HEMK1: variants seen among roughly 807,000 people sequenced by gnomAD.
HEMK1 encodes MTRF1L release factor glutamine methyltransferase.
In HEMK1, 36 loss-of-function variants were observed where a neutral mutation model predicts 47.9. That is an observed-to-expected ratio of 0.75 (90% CI 0.58 to 0.99). The LOEUF is 0.99. Among genes scored for constraint, HEMK1 ranks in the 50% least tolerant of loss-of-function variants. HEMK1 has a pLI of 0.00. For synonymous variants in HEMK1, 153 were observed against 165.4 expected, an observed-to-expected ratio of 0.93 and a Z score of 0.57; for missense variants, 383 against 434.5, an observed-to-expected ratio of 0.88 and a Z score of 1.05.
At position 50,571,317 on chromosome 3, in the gene HEMK1, C is replaced by G; in HGVS notation, c.213C>G (p.Val71=). ...RESSEYIVAH[V]LGAKTFQSLR... is the part of the protein sequence containing the mutation. ...CCAGTGAGTACATCGTGGCTCATGT[C>G]CTTGGAGCCAAAACAGTTAAGTTTA... Residue 71 remains valine (V), a synonymous_variant, in exon 2 of 11, where the codon GTC becomes GTG. Coordinates refer to ENST00000232854, the MANE Select transcript of HEMK1 (RefSeq NM_016173.5). 6.3e-7 allele frequency: 1 copy of G among 1,594,220 alleles called. No homozygotes were observed. Among genetic ancestry groups the G allele is most frequent in the Non-Finnish European group, 8.6e-7 (1 of 1,169,520 alleles).
chr3:50,580,844 TGGCC>T lies in HEMK1; in HGVS notation c.*428_*431del. 4.3e-6 allele frequency: 1 copy of T among 231,890 alleles called. No individual in the cohort carries two copies. Among genetic ancestry groups the T allele is most frequent in the Non-Finnish European group, 8.6e-6 (1 of 116,820 alleles). 14.4% of individuals were successfully genotyped at this position (231,890 alleles called of 1,614,324 possible). ...AGGAAGGCACGTGAGTCCTCACTCCTGGCCTTGGATACCATGGGTCCTGGCATAG... is the reference window on the plus strand; with the variant it reads ...AGGAAGGCACGTGAGTCCTCACTCCTTTGGATACCATGGGTCCTGGCATAG... On this transcript the variant is annotated 3_prime_UTR_variant, in exon 11 of 11. Coordinates refer to ENST00000232854, the MANE Select transcript of HEMK1 (RefSeq NM_016173.5).
intron 4 of HEMK1, among the ~76,000 whole-genome samples, chr3:50,576,590 A>G (rs1701617005): frequency 6.6e-6 from 1 of 152,122 alleles, no homozygotes; most frequent in Non-Finnish European, 1.5e-5. Context: ...TCACACCTTT[A>G]GCAGAGACGG....
rs368856947 is a variant in HEMK1, at chr3:50,577,199, A to G, written c.549+13A>G. The stretch of plus-strand genomic sequence containing the variant: ...CCAGCTCCCCCAGGTGAGCCCCTCC[A>G]CCCACTCTGGATAGACTGTGACTGA... On this transcript the variant is annotated intron_variant, in intron 5 of 10. Transcript: ENST00000232854. 33 of 1,606,126 alleles carry G rather than the reference A, an allele frequency of 2.1e-5. No homozygotes were observed. In the African/African-American group the frequency reaches 3.8e-4, roughly 18 times the overall value.
chr3:50,585,900 GGTTA>G lies in HEMK1; in HGVS notation c.*5488_*5491del, dbSNP rs1342807538. 4 of 152,178 alleles carry G rather than the reference GGTTA, an allele frequency of 2.6e-5. No individual in the cohort carries two copies. Among genetic ancestry groups the G allele is most frequent in the Non-Finnish European group, 5.9e-5 (4 of 68,030 alleles). The allele number at this position is 152,178 out of a possible 1,614,324, so 9.4% of individuals were successfully genotyped here. Reference sequence around the variant, plus strand: ...TCTCCTATTGCTTCCAAAGGCCTGGGGTTAGTTAATTAAGTCAATTAGGTGGTGC... The same window carrying G: ...TCTCCTATTGCTTCCAAAGGCCTGGGGTTAATTAAGTCAATTAGGTGGTGC... On this transcript the variant is annotated 3_prime_UTR_variant, in exon 11 of 11. Transcript: ENST00000232854.
At chr3:50,576,904 T>C in intron 4 of HEMK1, 148 bp from the exon 5 acceptor site, 1 of 918,140 alleles carries the variant, frequency 1.1e-6, no homozygotes, top group South Asian at 1.6e-5. Context: ...CAGGGTGACT[T>C]GGCCATGCCC....
chr3:50,580,097 C>G lies in HEMK1; in HGVS notation c.867-19C>G. The stretch of plus-strand genomic sequence containing the variant: ...GCCAGACCTGTCCTGCTGAGCCCAC[C>G]CATTTCTCCCCCATGTAGTAGTATC... On this transcript the variant is annotated intron_variant, in intron 9 of 10. Transcript: ENST00000232854. 6.2e-7 allele frequency: 1 copy of G among 1,603,198 alleles called. No individual in the cohort carries two copies.
chr3:50,570,207 C>A (rs895392942), intron 1 of HEMK1: 2 of 152,228 alleles, frequency 1.3e-5, no homozygotes, highest in African/African-American at 4.8e-5. Flanking sequence ...CTACTTGTAT[C>A]TGAAGATGTG....
chr3:50,580,461 C>T lies in HEMK1; in HGVS notation c.*44C>T, dbSNP rs369181492. On this transcript the variant is annotated 3_prime_UTR_variant, in exon 11 of 11. Transcript: ENST00000232854. ...GCCTTGTCAGTGCCGCCAGCCTGAC[C>T]AGAGGGGAGGTGGATGGCACTTTCC... 13 of 1,605,772 alleles carry T rather than the reference C, an allele frequency of 8.1e-6. No individual in the cohort carries two copies. The African/African-American group carries it at 1.3e-4, about 17-fold the overall frequency.
At chr3:50,578,032 C>A (rs538005713) in intron 7 of HEMK1, among the ~76,000 whole-genome samples, 157 bp downstream of exon 7, 1 of 152,254 alleles carries the variant, frequency 6.6e-6, no homozygotes, top group African/African-American at 2.4e-5. Context: ...ACGTTTGTGG[C>A]AGCTCAAACG....
intron 1 of HEMK1, 99 bp from the exon 2 acceptor site, chr3:50,570,832 G>T (rs907857998): frequency 2.8e-6 from 1 of 352,262 alleles, no homozygotes; most frequent in Non-Finnish European, 5.1e-6. Context: ...AGTCAAGGGG[G>T]TGTCAGAGCA....
At position 50,580,858 on chromosome 3, in the gene HEMK1, A is replaced by G. The variant is rs745725342; in HGVS notation, c.*441A>G. 10 of 217,236 alleles carry G rather than the reference A, an allele frequency of 4.6e-5. No individual in the cohort carries two copies. The highest frequency in any genetic ancestry group is 7.4e-5 in the Non-Finnish European group (8 of 108,022). 13.5% of individuals were successfully genotyped at this position (217,236 alleles called of 1,614,324 possible). A position where few individuals can be genotyped will look rare whatever the true frequency, so the allele number is the denominator to read the frequency against. On this transcript the variant is annotated 3_prime_UTR_variant, in exon 11 of 11. Coordinates refer to ENST00000232854, the MANE Select transcript of HEMK1 (RefSeq NM_016173.5). ...GTCCTCACTCCTGGCCTTGGATACC[A>G]TGGGTCCTGGCATAGAGCAGCTCAC...
In HEMK1 at chr3:50,582,333, T is replaced by TTCCTCA. The variant is rs1374855563; in HGVS notation, c.*1916_*1917insTCCTCA. ...CCCAGAAAAATGTGCAGCTTGACTC[T>TTCCTCA]GCTGAGGAAAAGGTCCAAGCCAAGA... is the stretch of plus-strand genomic sequence containing the variant. On this transcript the variant is annotated 3_prime_UTR_variant, in exon 11 of 11. Coordinates refer to ENST00000232854, the MANE Select transcript of HEMK1 (RefSeq NM_016173.5). 3.9e-5 allele frequency: 6 copies of TTCCTCA among 152,208 alleles called. No homozygotes were observed. The East Asian group carries it at 1.2e-3, about 29-fold the overall frequency. The allele number at this position is 152,208 out of a possible 1,614,324, so 9.4% of individuals were successfully genotyped here. A position where few individuals can be genotyped will look rare whatever the true frequency, so the allele number is the denominator to read the frequency against.
rs1007161936 is a variant in HEMK1 at position 50,595,337 on chromosome 3, T to C, written c.*14920T>C. 2.6e-4 allele frequency: 40 copies of C among 152,248 alleles called. No individual in the cohort carries two copies. The highest frequency in any genetic ancestry group is 8.9e-4 in the African/African-American group (37 of 41,544). The allele number at this position is 152,248 out of a possible 1,614,324, so 9.4% of individuals were successfully genotyped here. Reference sequence around the variant, plus strand: ...ACGGCAGTAGACAGAGTAAAAGCATTTTCTTGCACCACTTCCCTGAACCGC... The same window carrying C: ...ACGGCAGTAGACAGAGTAAAAGCATCTTCTTGCACCACTTCCCTGAACCGC... On this transcript the variant is annotated 3_prime_UTR_variant, in exon 11 of 11. Transcript: ENST00000232854.
rs1286815186 is a variant in HEMK1 at position 50,571,571 on chromosome 3, G to A, written c.229-139G>A. The A allele has an allele frequency of 1.4e-5, 12 of 837,410 alleles. No homozygotes were observed. The Admixed American group carries it at 1.9e-4, about 13-fold the overall frequency. 51.9% of individuals were successfully genotyped at this position (837,410 alleles called of 1,614,324 possible). ...GTGTTAGCTGTGTAACCTTAGGCAG[G>A]ATGCTGCCCCCTCTGGGCCCAGATG... On this transcript the variant is annotated intron_variant, in intron 2 of 10. Coordinates refer to ENST00000232854, the MANE Select transcript of HEMK1 (RefSeq NM_016173.5).
rs1182824710 is a variant in HEMK1, at chr3:50,595,519, T to C, written c.*15102T>C. On this transcript the variant is annotated 3_prime_UTR_variant, in exon 11 of 11. Transcript: ENST00000232854. ...CAGGTGGGAGATGTTATCTTTAGTA[T>C]ACGGGACAATAAAATCTGCCTTTTG... 1.3e-5 allele frequency: 2 copies of C among 152,214 alleles called. No homozygotes were observed. The highest frequency in any genetic ancestry group is 2.9e-5 in the Non-Finnish European group (2 of 68,040). The allele number at this position is 152,214 out of a possible 1,614,324, so 9.4% of individuals were successfully genotyped here.
In HEMK1 at chr3:50,595,668, A is replaced by C. The variant is rs1249985613; in HGVS notation, c.*15251A>C. 6.6e-6 allele frequency: 1 copy of C among 152,202 alleles called. No homozygotes were observed. The highest frequency in any genetic ancestry group is 1.5e-5 in the Non-Finnish European group (1 of 68,020). The allele number at this position is 152,202 out of a possible 1,614,324, so 9.4% of individuals were successfully genotyped here. A position where few individuals can be genotyped will look rare whatever the true frequency, so the allele number is the denominator to read the frequency against. ...GGCAAGTGTGCAGAAATAGGAGAGA[A>C]CCATGGGGAATTGTCTCTCAATACC... is the stretch of plus-strand genomic sequence containing the variant. On this transcript the variant is annotated 3_prime_UTR_variant, in exon 11 of 11. Coordinates refer to ENST00000232854, the MANE Select transcript of HEMK1 (RefSeq NM_016173.5).
In HEMK1 at chr3:50,571,090, A is replaced by T; in HGVS notation, c.-15A>T. 1 of 1,567,028 alleles carries T rather than the reference A, an allele frequency of 6.4e-7. No individual in the cohort carries two copies. Among genetic ancestry groups the T allele is most frequent in the East Asian group, 2.3e-5 (1 of 44,238 alleles). Reference sequence around the variant, plus strand: ...TGGGAACCTGGAAGCACTCTGGAGAACCTTTCCCTGAGACATGGAGCTTTG... The same window carrying T: ...TGGGAACCTGGAAGCACTCTGGAGATCCTTTCCCTGAGACATGGAGCTTTG... On this transcript the variant is annotated 5_prime_UTR_variant, in exon 2 of 11. Transcript: ENST00000232854.
intron 8 of HEMK1, 64 bp from the exon 9 acceptor site, chr3:50,579,780 T>G: frequency 8.4e-7 from 1 of 1,190,066 alleles, no homozygotes; most frequent in Non-Finnish European, 1.2e-6. Flanking sequence ...GCCTTGCCCA[T>G]GCCCTCCATG....
chr3:50,570,771 G>A (rs985374214), intron 1 of HEMK1, 160 bp from the exon 2 acceptor site: 2 of 218,482 alleles, frequency 9.2e-6, no homozygotes, highest in African/African-American at 2.3e-5. Flanking sequence ...TGAAGAAAAC[G>A]TAAGTGGCCA....
Sources: gnomAD v4.1 joint callset for allele counts (sites outside exome capture counted in the v4.1 genomes callset) on GRCh38, gnomAD v4.1.1 for gene constraint, MANE v1.5 for transcripts, NCBI Gene and HGNC (gene_info 2026-07-23, HGNC 2026-07-21) for gene names.